The following UTP4 variants were observed in gnomAD, a reference collection of about 807,000 sequenced individuals.
UTP4 encodes the protein UTP4 small subunit processome component.
A neutral mutation model predicts 82.4 loss-of-function variants in UTP4; 45 were observed. The ratio of observed to expected loss-of-function variants is 0.55; its 90% CI spans 0.43 to 0.70. The LOEUF is 0.70. Ranked by LOEUF, UTP4 falls within the 30% of genes least tolerant of loss-of-function variation. UTP4 has a pLI of 0.00. For missense variants in UTP4, 819 were observed against 858.3 expected (o/e 0.95, Z 0.57); for synonymous variants, 348 against 300.3 (o/e 1.16, Z -1.64).
chr16:69,151,940 T>G (rs1963282994), intron 8 of UTP4, among the ~76,000 whole-genome samples: 1 of 151,644 alleles, frequency 6.6e-6, no homozygotes, highest in Admixed American at 6.6e-5. Context: ...CCACACCTGC[T>G]GCCCCATTCA....
intron 5 of UTP4, among the ~76,000 whole-genome samples, chr16:69,140,184 A>G (rs1437068483): frequency 1.3e-5 from 2 of 152,224 alleles, no homozygotes; most frequent in African/African-American, 4.8e-5. Context: ...ACATTCGTGT[A>G]CTATAAACAG....
At chr16:69,164,486 G>A (rs1963645989) in intron 14 of UTP4, among the ~76,000 whole-genome samples, 1 of 151,350 alleles carries the variant, frequency 6.6e-6, no homozygotes, top group African/African-American at 2.4e-5. Context: ...CACACATTGT[G>A]TAAATTATCC....
Position 69,158,124 on chromosome 16 carries a change from C to T in UTP4, c.1444+884C>T, listed in dbSNP as rs1178843326. Among the ~76,000 whole-genome samples, 8 of 137,234 alleles carry T rather than the reference C, an allele frequency of 5.8e-5. No homozygotes were observed. The Admixed American group carries it at 6.1e-4, about 11-fold the overall frequency. 90.0% of individuals were successfully genotyped at this position (137,234 alleles called of 152,430 possible). A position where few individuals can be genotyped will look rare whatever the true frequency, so the allele number is the denominator to read the frequency against. On this transcript the variant is annotated intron_variant, in intron 12 of 16. Transcript: ENST00000314423. ...GTCCTGGATTTTAGCTGCTGCTTCA[C>T]TGTCATTTACACTCCCATCAGCCTG... is the stretch of plus-strand genomic sequence containing the variant.
chr16:69,147,268 C>G (rs1210318255), intron 6 of UTP4, among the ~76,000 whole-genome samples: 1 of 151,434 alleles, frequency 6.6e-6, no homozygotes, highest in Non-Finnish European at 1.5e-5. Context: ...CTTTGGGAGG[C>G]CGATGCGGGT....
At chr16:69,168,772 C>A in intron 16 of UTP4, 49 bp from the exon 17 acceptor site, 1 of 1,185,608 alleles carries the variant, frequency 8.4e-7, no homozygotes, top group Non-Finnish European at 1.3e-6. Context: ...TCTTTCAGGA[C>A]TAGCCCTGGA....
At chr16:69,146,028 G>T (rs1963098637) in intron 6 of UTP4, among the ~76,000 whole-genome samples, 2 of 151,324 alleles carry the variant, frequency 1.3e-5, no homozygotes. Context: ...TTCAACCCGG[G>T]AGGCAGAGGT....
chr16:69,154,704 TTTTATTTA>T lies in UTP4; in HGVS notation c.1164+279_1164+286del, dbSNP rs34852514. 1.6e-3 allele frequency among the ~76,000 whole-genome samples: 238 copies of T among 147,100 alleles called. 4 individuals carry two copies. Among genetic ancestry groups the T allele is most frequent in the East Asian group, 4.9e-3 (25 of 5,126 alleles). On this transcript the variant is annotated intron_variant, in intron 10 of 16. Coordinates refer to ENST00000314423, the MANE Select transcript of UTP4 (RefSeq NM_032830.3). ...TGATATTATTATGAAAATAATGTGCTTTTATTTATTTATTTATTTATTTATTTATTTAT... is the reference window on the plus strand; with the variant it reads ...TGATATTATTATGAAAATAATGTGCTTTTATTTATTTATTTATTTATTTAT...
At chr16:69,154,288 C>T (rs1394100560) in intron 9 of UTP4, 105 bp from the exon 10 acceptor site, 2 of 872,950 alleles carry the variant, frequency 2.3e-6, no homozygotes, top group Non-Finnish European at 3.8e-6. Context: ...TTCTGATTTC[C>T]CACTGATAGA....
chr16:69,167,416 G>C, intron 16 of UTP4: 1 of 521,066 alleles, frequency 1.9e-6, no homozygotes, highest in Non-Finnish European at 3.5e-6. Flanking sequence ...AAATGCGTAA[G>C]TAGTGAGAAA....
At position 69,157,141 on chromosome 16, in the gene UTP4, T is replaced by G; in HGVS notation, c.1345T>G (p.Ser449Ala). The G allele has an allele frequency of 6.2e-7, 1 of 1,614,222 alleles. No homozygotes were observed. The highest frequency in any genetic ancestry group is 2.2e-5 in the East Asian group (1 of 44,890). Residue 449 changes from serine (S) to alanine (A), a missense_variant, in exon 12 of 17, where the codon TCA (serine) becomes GCA (alanine). By Grantham distance (99) the Ser-to-Ala change is moderately conservative. Coordinates refer to ENST00000314423, the MANE Select transcript of UTP4 (RefSeq NM_032830.3). ...CCTTCAGATTTTGTTTTCTGAAGAT[T>G]CAACAAAGCTCTTTGTAGCATCAAA... Reference protein sequence around the residue: ...SALQILFSEDSTKLFVASNQG... With the variant: ...SALQILFSEDATKLFVASNQG...
rs376120270 is a variant in UTP4, at chr16:69,165,349, G to A, written c.1656G>A (p.Glu552=). The A allele has an allele frequency of 3.7e-6, 6 of 1,614,094 alleles. No individual in the cohort carries two copies. Among genetic ancestry groups the A allele is most frequent in the Non-Finnish European group, 5.1e-6 (6 of 1,180,010 alleles). Residue 552 remains glutamate, a synonymous_variant, in exon 15 of 17, where the codon GAG becomes GAA. Coordinates refer to ENST00000314423, the MANE Select transcript of UTP4 (RefSeq NM_032830.3). Reference sequence around the variant, plus strand: ...GTCATGTCCTCCCTCAGGTATTTGAGTACAGCATCCCAGACAAACAGTATA... The same window carrying A: ...GTCATGTCCTCCCTCAGGTATTTGAATACAGCATCCCAGACAAACAGTATA... The part of the protein sequence containing the change: ...VIAHSDQQVF[E]YSIPDKQYTD...
intron 16 of UTP4, among the ~76,000 whole-genome samples, chr16:69,168,282 A>G (rs1963750660): frequency 6.6e-6 from 1 of 151,860 alleles, no homozygotes; most frequent in African/African-American, 2.4e-5. Flanking sequence ...TAAAAATACA[A>G]AAAATTAGCC....
chr16:69,144,022 G>A (rs774514311), intron 6 of UTP4, among the ~76,000 whole-genome samples: 6 of 150,634 alleles, frequency 4.0e-5, no homozygotes, highest in Admixed American at 6.6e-5. Flanking sequence ...CCAGTAGCTC[G>A]GATTACAGGC....
intron 3 of UTP4, among the ~76,000 whole-genome samples, 176 bp downstream of exon 3, chr16:69,137,063 C>G (rs1962832063): frequency 6.6e-6 from 1 of 152,176 alleles, no homozygotes; most frequent in Non-Finnish European, 1.5e-5. Context: ...TGCTACTAGT[C>G]TGGACCTTGT....
intron 6 of UTP4, among the ~76,000 whole-genome samples, chr16:69,146,364 TC>T (rs1222834939): frequency 6.6e-6 from 1 of 152,182 alleles, no homozygotes; most frequent in Admixed American, 6.5e-5. Flanking sequence ...TACTTTCTGT[TC>T]CTATGAATTT....
At chr16:69,146,389 G>A (rs1963108417) in intron 6 of UTP4, among the ~76,000 whole-genome samples, 1 of 152,040 alleles carries the variant, frequency 6.6e-6, no homozygotes, top group Non-Finnish European at 1.5e-5. Flanking sequence ...TATAACATTT[G>A]TTATTTTGTA....
chr16:69,160,874 G>C (rs1186205391), intron 13 of UTP4, among the ~76,000 whole-genome samples: 1 of 152,000 alleles, frequency 6.6e-6, no homozygotes, highest in African/African-American at 2.4e-5. Context: ...AGGATTACAG[G>C]CATGAGCCAC....
At chr16:69,145,909 T>A (rs1008374462) in intron 6 of UTP4, among the ~76,000 whole-genome samples, 1 of 152,082 alleles carries the variant, frequency 6.6e-6, no homozygotes, top group African/African-American at 2.4e-5. Context: ...TACTAAATGA[T>A]GATTAGGCAG....
chr16:69,158,234 C>T (rs141490423), intron 12 of UTP4, among the ~76,000 whole-genome samples: 2,497 of 118,714 alleles, frequency 0.021, 77 homozygotes, highest in African/African-American at 0.076. Context: ...TGCAGTGGTG[C>T]GATCATGGCT....
Sources: allele counts gnomAD v4.1 joint callset (sites outside exome capture counted in the v4.1 genomes callset), GRCh38; gene constraint gnomAD v4.1.1; transcripts MANE v1.5; gene names NCBI Gene and HGNC (gene_info 2026-07-23, HGNC 2026-07-21).